Variants in SCAPER observed in about 807,000 individuals in gnomAD.
SCAPER encodes the protein S phase cyclin A-associated protein in the endoplasmic reticulum.
A neutral mutation model predicts 182.2 loss-of-function variants in SCAPER; 98 were observed. That is an observed-to-expected ratio of 0.54 (90% confidence interval 0.46 to 0.64). The LOEUF (loss-of-function observed/expected upper bound fraction) is 0.64. Among genes scored for constraint, SCAPER ranks in the 30% least tolerant of loss-of-function variants. The pLI, the probability that SCAPER is intolerant of heterozygous loss-of-function variation, is 0.00. For missense variants in SCAPER, 1,432 were observed against 1,690.0 expected (o/e 0.85, Z 2.68); for synonymous variants, 605 against 564.6 (o/e 1.07, Z -1.01).
chr15:76,473,807 T>C (rs929304913), intron 24 of SCAPER, among the ~76,000 whole-genome samples: 3 of 152,002 alleles, frequency 2.0e-5, no homozygotes, highest in African/African-American at 7.3e-5. Flanking sequence ...ACTTTATTAT[T>C]ATTATTATTT....
intron 15 of SCAPER, among the ~76,000 whole-genome samples, chr15:76,746,736 A>G (rs559422678): frequency 3.0e-4 from 46 of 152,380 alleles, no homozygotes; most frequent in African/African-American, 1.0e-3. Flanking sequence ...GCAATGAATA[A>G]TCAAAAATGA....
rs77787504 is a variant in SCAPER at position 76,501,630 on chromosome 15, T to C, written c.2954+3229A>G. Among the ~76,000 whole-genome samples the C allele has an allele frequency of 7.9e-3, 1,203 of 152,276 alleles. 12 individuals carry two copies. The highest frequency in any genetic ancestry group is 0.027 in the African/African-American group (1,141 of 41,536). ...TATCAAATCCTCTGCTATTTATCACTGAGAAAAATTAAACAGGATATTCTA... is the reference window on the plus strand; with the variant it reads ...TATCAAATCCTCTGCTATTTATCACCGAGAAAAATTAAACAGGATATTCTA... On this transcript the variant is annotated intron_variant, in intron 24 of 31. Coordinates refer to ENST00000563290, the MANE Select transcript of SCAPER (RefSeq NM_020843.4).
At chr15:76,391,966 A>G (rs1596402587) in intron 27 of SCAPER, among the ~76,000 whole-genome samples, 1 of 152,328 alleles carries the variant, frequency 6.6e-6, no homozygotes, top group East Asian at 1.9e-4. Flanking sequence ...AAAGTCAAAG[A>G]TGACTAAGGC....
intron 4 of SCAPER, among the ~76,000 whole-genome samples, chr15:76,852,484 A>G (rs2070858416): frequency 1.3e-5 from 2 of 152,314 alleles, no homozygotes; most frequent in Admixed American, 6.5e-5. Context: ...AAATCATACC[A>G]AACACACTTT....
chr15:76,361,857 G>T (rs538852985), intron 29 of SCAPER, among the ~76,000 whole-genome samples: 3 of 152,018 alleles, frequency 2.0e-5, no homozygotes, highest in Admixed American at 6.5e-5. Context: ...CCTTAACATC[G>T]TAGTAGGAAC....
chr15:76,683,706 CA>C (rs1281874940), intron 20 of SCAPER, among the ~76,000 whole-genome samples: 1 of 151,832 alleles, frequency 6.6e-6, no homozygotes, highest in African/African-American at 2.4e-5. Flanking sequence ...AAGCTAACAG[CA>C]AACTGTTTAG....
intron 29 of SCAPER, among the ~76,000 whole-genome samples, chr15:76,363,495 T>C (rs2041593346): frequency 6.6e-6 from 1 of 152,184 alleles, no homozygotes; most frequent in Non-Finnish European, 1.5e-5. Context: ...AAGCAGCTTC[T>C]TTCTGCTGGC....
At chr15:76,478,036 A>G (rs370577301) in intron 24 of SCAPER, among the ~76,000 whole-genome samples, 1 of 151,856 alleles carries the variant, frequency 6.6e-6, no homozygotes, top group African/African-American at 2.4e-5. Context: ...TTCCTGTCAG[A>G]CTTAGAAAGG....
Position 76,840,154 on chromosome 15 carries a change from A to C in SCAPER, c.393+1580T>G, listed in dbSNP as rs57065839. Among the ~76,000 whole-genome samples the C allele has an allele frequency of 7.5e-3, 1,137 of 152,310 alleles. 16 individuals are homozygous for C. The highest frequency in any genetic ancestry group is 0.026 in the African/African-American group (1,084 of 41,568). ...AAAAAGTGGCTGGGCATGGTGGCTC[A>C]TACCTATAATCCCACCACTTTGGAA... is the stretch of plus-strand genomic sequence containing the variant. On this transcript the variant is annotated intron_variant, in intron 5 of 31. Coordinates refer to ENST00000563290, the MANE Select transcript of SCAPER (RefSeq NM_020843.4).
At chr15:76,859,040 AT>A (rs2071649140) in intron 3 of SCAPER, among the ~76,000 whole-genome samples, 1 of 152,230 alleles carries the variant, frequency 6.6e-6, no homozygotes, top group Non-Finnish European at 1.5e-5. Flanking sequence ...TCTTTGAGTA[AT>A]CACCAAAAGT....
At chr15:76,567,891 G>A (rs964024583) in intron 23 of SCAPER, among the ~76,000 whole-genome samples, 3 of 151,904 alleles carry the variant, frequency 2.0e-5, no homozygotes, top group African/African-American at 7.3e-5. Flanking sequence ...AATTTATCAA[G>A]TTTCCCTTTA....
intron 24 of SCAPER, among the ~76,000 whole-genome samples, chr15:76,487,849 T>C (rs1195429432): frequency 6.6e-6 from 1 of 152,190 alleles, no homozygotes. Context: ...TTTGCTCTAG[T>C]TGGGATAACA....
chr15:76,359,522 T>A (rs1319379233), intron 29 of SCAPER, among the ~76,000 whole-genome samples: 1 of 152,188 alleles, frequency 6.6e-6, no homozygotes, highest in Non-Finnish European at 1.5e-5. Context: ...ACTGTGCATG[T>A]GTGTGTTTTG....
At chr15:76,739,144 T>C (rs192969490) in intron 15 of SCAPER, among the ~76,000 whole-genome samples, 27 of 152,324 alleles carry the variant, frequency 1.8e-4, no homozygotes, top group Admixed American at 5.2e-4. Flanking sequence ...ATGCAAATAC[T>C]ATATCATTTT....
At chr15:76,860,084 T>A (rs1282460427) in intron 3 of SCAPER, among the ~76,000 whole-genome samples, 1 of 152,226 alleles carries the variant, frequency 6.6e-6, no homozygotes, top group Non-Finnish European at 1.5e-5. Context: ...CAATTATTTA[T>A]GTTCTTGTAT....
chr15:76,727,374 A>G (rs902770332), intron 17 of SCAPER, among the ~76,000 whole-genome samples: 3 of 152,162 alleles, frequency 2.0e-5, no homozygotes, highest in Non-Finnish European at 4.4e-5. Flanking sequence ...AGCTTTGATA[A>G]CTAAGGCAGA....
chr15:76,431,675 G>GAAAAAAAAAAAAAAAAAAAAAAAAAAA (rs1567126176), intron 26 of SCAPER, among the ~76,000 whole-genome samples: 1 of 4,316 alleles, frequency 2.3e-4, no homozygotes, highest in Non-Finnish European at 3.6e-4. Context: ...AAAATGATTA[G>GAAAAAAAAAAAAAAAAAAAAAAAAAAA]CAAAAAAAAA....
chr15:76,487,231 G>A (rs1245649651), intron 24 of SCAPER, among the ~76,000 whole-genome samples: 1 of 151,982 alleles, frequency 6.6e-6, no homozygotes. Context: ...AAACTAATGG[G>A]TACTAGGCTT....
Position 76,423,944 on chromosome 15 carries a change from T to C in SCAPER, c.3311+10134A>G, listed in dbSNP as rs549677168. 5.9e-5 allele frequency among the ~76,000 whole-genome samples: 9 copies of C among 152,360 alleles called. No individual in the cohort carries two copies. In the South Asian group the frequency reaches 8.3e-4, roughly 14 times the overall value. ...GTTGAGCGGTTTTGAGTGAGTTTCT[T>C]AATCCTGAGTTCTAGTTTGATTGCA... On this transcript the variant is annotated intron_variant, in intron 26 of 31. Coordinates refer to ENST00000563290, the MANE Select transcript of SCAPER (RefSeq NM_020843.4).
Sources: gnomAD v4.1 joint callset for allele counts (sites outside exome capture counted in the v4.1 genomes callset) on GRCh38, gnomAD v4.1.1 for gene constraint, MANE v1.5 for transcripts, NCBI Gene and HGNC (gene_info 2026-07-23, HGNC 2026-07-21) for gene names.